RHEB: variants seen among roughly 807,000 people sequenced by gnomAD.
The protein encoded by RHEB is Ras homolog, mTORC1 binding.
In RHEB, 2 loss-of-function variants were observed where a neutral mutation model predicts 28.8. That is an observed-to-expected ratio of 0.07 (90% confidence interval 0.03 to 0.22). RHEB has a LOEUF of 0.22. Ranked by LOEUF, RHEB falls within the 10% of genes least tolerant of loss-of-function variation. RHEB has a pLI of 1.00. For synonymous variants in RHEB, 69 were observed against 77.3 expected (o/e 0.89, Z 0.56); for missense variants, 76 against 219.9 (o/e 0.35, Z 4.14).
intron 2 of RHEB, among the ~76,000 whole-genome samples, chr7:151,486,472 G>A (rs1001949252): frequency 6.6e-6 from 1 of 152,146 alleles, no homozygotes; most frequent in Non-Finnish European, 1.5e-5. Context: ...CCACCCTGTC[G>A]GGTATCTTCC....
intron 1 of RHEB, chr7:151,502,538 C>A: frequency 9.7e-7 from 1 of 1,029,858 alleles, no homozygotes; most frequent in Non-Finnish European, 1.5e-6. Context: ...ATCTTTCAAA[C>A]CAATTAATAC....
chr7:151,481,130 CT>C (rs11296574), intron 3 of RHEB, among the ~76,000 whole-genome samples: 8,598 of 143,662 alleles, frequency 0.06, 649 homozygotes, highest in African/African-American at 0.18. Flanking sequence ...GAAGAGGCTA[CT>C]TTTTTTTTTT....
At chr7:151,497,098 A>C (rs1296189549) in intron 1 of RHEB, among the ~76,000 whole-genome samples, 3 of 151,934 alleles carry the variant, frequency 2.0e-5, no homozygotes, top group African/African-American at 4.8e-5. Flanking sequence ...ACAAACCTCT[A>C]TGATCTTAAT....
At chr7:151,519,106 C>T (rs778920694) in intron 1 of RHEB, 2 of 153,436 alleles carry the variant, frequency 1.3e-5, no homozygotes, top group Non-Finnish European at 2.9e-5. Context: ...GCAGGTGTGA[C>T]TCCCTCGCGG....
chr7:151,510,049 GAA>G (rs140768065), intron 1 of RHEB, among the ~76,000 whole-genome samples: 5,066 of 152,236 alleles, frequency 0.033, 272 homozygotes, highest in African/African-American at 0.12. Context: ...CAGTTTCTAG[GAA>G]AAAGTCTAAA....
intron 1 of RHEB, chr7:151,517,796 C>A (rs1803108445): frequency 6.6e-6 from 1 of 152,054 alleles, no homozygotes; most frequent in African/African-American, 2.4e-5. Flanking sequence ...TTAGGTCATT[C>A]TCTTGGGTTG....
At position 151,472,434 on chromosome 7, in the gene RHEB, C is replaced by T. The variant is rs1211662945; in HGVS notation, c.276-829G>A. On this transcript the variant is annotated intron_variant, in intron 4 of 7. Transcript: ENST00000262187. This position sits in a 1 kb window ranked among gnomAD's most constrained non-coding sequence, Gnocchi z 5.2. ...TCAACATCCTCTGATGGGTGGCCAT[C>T]TTTACTCGGCCCCAGTGACTCTCAA... Among the ~76,000 whole-genome samples the T allele has an allele frequency of 6.6e-6, 1 of 152,202 alleles. No homozygotes were observed. Among genetic ancestry groups the T allele is most frequent in the Non-Finnish European group, 1.5e-5 (1 of 68,040 alleles).
At chr7:151,487,455 T>G (rs1802498711) in intron 2 of RHEB, among the ~76,000 whole-genome samples, 1 of 152,072 alleles carries the variant, frequency 6.6e-6, no homozygotes, top group Admixed American at 6.6e-5. Flanking sequence ...GCACCCCATG[T>G]TGCCAAGTCA....
In RHEB at chr7:151,502,863, T is replaced by C. The variant is rs868364289; in HGVS notation, c.53-11849A>G. ...TTAGCTGGATCTGCTGACTTTGAAC[T>C]AAGTCAATCTGATATGTTTGATCAG... On this transcript the variant is annotated intron_variant, in intron 1 of 7. Transcript: ENST00000262187. 97 of 895,988 alleles carry C rather than the reference T, an allele frequency of 1.1e-4. No individual in the cohort carries two copies. The African/African-American group carries it at 1.2e-3, about 11-fold the overall frequency. 55.5% of individuals were successfully genotyped at this position (895,988 alleles called of 1,614,324 possible). A position where few individuals can be genotyped will look rare whatever the true frequency, so the allele number is the denominator to read the frequency against.
chr7:151,502,899 C>T (rs554486331), intron 1 of RHEB: 53 of 829,712 alleles, frequency 6.4e-5, no homozygotes, highest in African/African-American at 5.4e-4. Flanking sequence ...AGGTTACAAT[C>T]GAAAGTTTTA....
At position 151,484,894 on chromosome 7, in the gene RHEB, A is replaced by G. The variant is rs1802440754; in HGVS notation, c.125-90T>C. 1.6e-5 allele frequency: 12 copies of G among 769,218 alleles called. No homozygotes were observed. The South Asian group carries it at 1.9e-4, about 12-fold the overall frequency. The allele number at this position is 769,218 out of a possible 1,614,324, so 47.6% of individuals were successfully genotyped here. On this transcript the variant is annotated intron_variant, in intron 2 of 7. Coordinates refer to ENST00000262187, the MANE Select transcript of RHEB (RefSeq NM_005614.4). ...AACAATGACAACCAATCAAGCACAG[A>G]GTCCCTAGCAGTCTCAGAGAAAGGC...
intron 1 of RHEB, among the ~76,000 whole-genome samples, chr7:151,513,582 C>T (rs979830137): frequency 1.3e-5 from 2 of 152,172 alleles, no homozygotes; most frequent in Non-Finnish European, 2.9e-5. Flanking sequence ...TGACCAGTAA[C>T]GCTACAAAAC....
intron 1 of RHEB, among the ~76,000 whole-genome samples, chr7:151,506,342 G>A (rs543631338): frequency 2.6e-5 from 4 of 152,070 alleles, no homozygotes; most frequent in African/African-American, 9.6e-5. Context: ...GTGTCACCAT[G>A]CCCAGCCCAT....
At chr7:151,504,001 T>C (rs1188890835) in intron 1 of RHEB, among the ~76,000 whole-genome samples, 1 of 151,830 alleles carries the variant, frequency 6.6e-6, no homozygotes, top group Non-Finnish European at 1.5e-5. Context: ...CTGTTTAATG[T>C]TGAAAGGGTG....
In RHEB at chr7:151,473,047, C is replaced by T. The variant is rs904356558; in HGVS notation, c.276-1442G>A. Among the ~76,000 whole-genome samples the T allele has an allele frequency of 4.6e-5, 7 of 152,216 alleles. No homozygotes were observed. In the South Asian group the frequency reaches 6.2e-4, roughly 14 times the overall value. On this transcript the variant is annotated intron_variant, in intron 4 of 7. Coordinates refer to ENST00000262187, the MANE Select transcript of RHEB (RefSeq NM_005614.4). Reference sequence around the variant, plus strand: ...GACTGTGTGGCAGGCAGCTTGGAGCCGGCTCCCAGATCTCCTGCTCTCCTA... The same window carrying T: ...GACTGTGTGGCAGGCAGCTTGGAGCTGGCTCCCAGATCTCCTGCTCTCCTA...
chr7:151,518,937 C>T (rs1803130704), intron 1 of RHEB: 1 of 152,236 alleles, frequency 6.6e-6, no homozygotes, highest in South Asian at 2.1e-4. Context: ...CTCTAAATCC[C>T]TAGTTTTCTT....
At chr7:151,479,267 T>C (rs1315278151) in intron 3 of RHEB, among the ~76,000 whole-genome samples, 2 of 151,890 alleles carry the variant, frequency 1.3e-5, no homozygotes, top group Non-Finnish European at 2.9e-5. Context: ...TGAGGATGAA[T>C]GGCTAAGCTG....
intron 4 of RHEB, among the ~76,000 whole-genome samples, chr7:151,476,149 T>TTATA (rs1201749923): frequency 6.6e-6 from 1 of 152,146 alleles, no homozygotes; most frequent in Non-Finnish European, 1.5e-5. Flanking sequence ...CTCAAACATT[T>TTATA]TATAGCTAGA....
At chr7:151,476,123 A>G (rs1442036272) in intron 4 of RHEB, among the ~76,000 whole-genome samples, 1 of 152,184 alleles carries the variant, frequency 6.6e-6, no homozygotes, top group African/African-American at 2.4e-5. Context: ...GTTTATAAGA[A>G]TGGCCGAGAA....
Sources: allele counts gnomAD v4.1 joint callset (sites outside exome capture counted in the v4.1 genomes callset), GRCh38; gene constraint gnomAD v4.1.1; non-coding constraint Gnocchi (gnomAD v3.1); transcripts MANE v1.5; gene names NCBI Gene and HGNC (gene_info 2026-07-23, HGNC 2026-07-21).